FBXW2: variants seen among roughly 807,000 people sequenced by gnomAD.
The protein encoded by FBXW2 is F-box/WD repeat-containing protein 2.
FBXW2 carries 12 observed loss-of-function variants against 46.0 expected under a neutral mutation model. The observed-to-expected ratio is 0.26, with a 90% CI of 0.17 to 0.42. The LOEUF is 0.42. FBXW2 is among the 10% of genes least tolerant of loss of function. The pLI, the probability that FBXW2 is intolerant of heterozygous loss-of-function variation, is 1.00. For synonymous variants in FBXW2, 203 were observed against 209.6 expected, an observed-to-expected ratio of 0.97 and a Z score of 0.27; for missense variants, 360 against 537.0, an observed-to-expected ratio of 0.67 and a Z score of 3.26.
At chr9:120,792,384 T>C (rs1421427372) in intron 2 of FBXW2, 2 of 152,378 alleles carry the variant, frequency 1.3e-5, no homozygotes, top group African/African-American at 4.8e-5. Flanking sequence ...TGAAAATGTA[T>C]ACACACCTAT....
At chr9:120,788,394 GTA>G in intron 2 of FBXW2, 116 bp from the exon 3 acceptor site, 1 of 892,836 alleles carries the variant, frequency 1.1e-6, no homozygotes, top group Non-Finnish European at 1.7e-6. Context: ...AACTTTATGC[GTA>G]GTTACATTAC....
chr9:120,772,885 T>G (rs771459692), intron 5 of FBXW2, 45 bp from the exon 6 acceptor site: 2 of 1,263,270 alleles, frequency 1.6e-6, no homozygotes, highest in South Asian at 2.5e-5. Context: ...TTAATGCTGC[T>G]CCTATAATGA....
At chr9:120,781,085 A>G (rs1330643861) in intron 3 of FBXW2, among the ~76,000 whole-genome samples, 1 of 152,180 alleles carries the variant, frequency 6.6e-6, no homozygotes, top group East Asian at 1.9e-4. Context: ...CTAAGGATGA[A>G]TAAGTTAGCC....
rs1264606191 is a variant in FBXW2 at position 120,757,692 on chromosome 9, G to A, written c.*6867C>T. On this transcript the variant is annotated 3_prime_UTR_variant, in exon 8 of 8. Coordinates refer to ENST00000608872, the MANE Select transcript of FBXW2 (RefSeq NM_012164.4). ...GAGCTCTGGGTAATTTTCTCCATAA[G>A]TTTTTATTACTGTTAGATTATCTTT... is the stretch of plus-strand genomic sequence containing the variant. The A allele has an allele frequency of 2.0e-5, 3 of 152,180 alleles. No individual in the cohort carries two copies. Among genetic ancestry groups the A allele is most frequent in the African/African-American group, 7.2e-5 (3 of 41,452 alleles). 9.4% of individuals were successfully genotyped at this position (152,180 alleles called of 1,614,324 possible). A position where few individuals can be genotyped will look rare whatever the true frequency, so the allele number is the denominator to read the frequency against.
At chr9:120,769,368 A>G (rs953197958) in intron 7 of FBXW2, among the ~76,000 whole-genome samples, 1 of 152,218 alleles carries the variant, frequency 6.6e-6, no homozygotes, top group African/African-American at 2.4e-5. Flanking sequence ...ACAATCTTAC[A>G]GGTTTATTAT....
In FBXW2 at chr9:120,758,941, T is replaced by A. The variant is rs529336360; in HGVS notation, c.*5618A>T. 4 of 152,218 alleles carry A rather than the reference T, an allele frequency of 2.6e-5. No individual in the cohort carries two copies. The highest frequency in any genetic ancestry group is 4.4e-5 in the Non-Finnish European group (3 of 68,044). The allele number at this position is 152,218 out of a possible 1,614,324, so 9.4% of individuals were successfully genotyped here. A position where few individuals can be genotyped will look rare whatever the true frequency, so the allele number is the denominator to read the frequency against. On this transcript the variant is annotated 3_prime_UTR_variant, in exon 8 of 8. Coordinates refer to ENST00000608872, the MANE Select transcript of FBXW2 (RefSeq NM_012164.4). Reference sequence around the variant, plus strand: ...CCATCCCTTCATTTGCAACTATTCATGAAATTCACCAAAATTATTTCCTTG... The same window carrying A: ...CCATCCCTTCATTTGCAACTATTCAAGAAATTCACCAAAATTATTTCCTTG...
chr9:120,775,958 G>T, intron 5 of FBXW2, 135 bp downstream of exon 5: 3 of 1,015,012 alleles, frequency 3.0e-6, no homozygotes, highest in Non-Finnish European at 4.3e-6. Context: ...GGTCACTGTT[G>T]TGTACCATTA....
At chr9:120,781,675 C>CACAT (rs761941263) in intron 3 of FBXW2, among the ~76,000 whole-genome samples, 38,904 of 146,034 alleles carry the variant, frequency 0.27, 6,044 homozygotes, top group Admixed American at 0.38. Flanking sequence ...CACACACACA[C>CACAT]ATACACACAC....
chr9:120,787,318 T>C (rs898873300), intron 3 of FBXW2, among the ~76,000 whole-genome samples: 3 of 152,200 alleles, frequency 2.0e-5, no homozygotes, highest in Non-Finnish European at 4.4e-5. Flanking sequence ...CATGAGCCAC[T>C]GCGCCCGACC....
At chr9:120,776,466 A>G in intron 4 of FBXW2, 1 of 449,810 alleles carries the variant, frequency 2.2e-6, no homozygotes, top group South Asian at 2.8e-5. Flanking sequence ...TGTGGTAGCT[A>G]CAGTGAGAGG....
intron 7 of FBXW2, among the ~76,000 whole-genome samples, chr9:120,770,674 A>T (rs1217131185): frequency 1.3e-5 from 2 of 152,202 alleles, no homozygotes; most frequent in African/African-American, 4.8e-5. Flanking sequence ...CTTATACTAA[A>T]TCACACAGCC....
Position 120,764,134 on chromosome 9 carries a change from C to T in FBXW2, c.*425G>A. 1 of 350,716 alleles carries T rather than the reference C, an allele frequency of 2.9e-6. No individual in the cohort carries two copies. Among genetic ancestry groups the T allele is most frequent in the Non-Finnish European group, 5.1e-6 (1 of 196,618 alleles). The allele number at this position is 350,716 out of a possible 1,614,324, so 21.7% of individuals were successfully genotyped here. A position where few individuals can be genotyped will look rare whatever the true frequency, so the allele number is the denominator to read the frequency against. On this transcript the variant is annotated 3_prime_UTR_variant, in exon 8 of 8. Coordinates refer to ENST00000608872, the MANE Select transcript of FBXW2 (RefSeq NM_012164.4). ...GTGAGGAAAGTTGCTGTAACAACAT[C>T]ATAGCACCTTTGCTTCAACTTCAAA...
intron 2 of FBXW2, among the ~76,000 whole-genome samples, chr9:120,792,102 T>C (rs763369333): frequency 1.3e-5 from 2 of 152,172 alleles, no homozygotes; most frequent in Non-Finnish European, 2.9e-5. Context: ...CTAACATTAA[T>C]GAGGAAATTT....
At chr9:120,782,795 T>C (rs2044643977) in intron 3 of FBXW2, among the ~76,000 whole-genome samples, 1 of 152,018 alleles carries the variant, frequency 6.6e-6, no homozygotes, top group African/African-American at 2.4e-5. Flanking sequence ...TGAGCCAAGA[T>C]CATGTCACTG....
In FBXW2 at chr9:120,760,905, T is replaced by G. The variant is rs2044187738; in HGVS notation, c.*3654A>C. The G allele has an allele frequency of 6.6e-6, 1 of 152,254 alleles. No homozygotes were observed. Among genetic ancestry groups the G allele is most frequent in the African/African-American group, 2.4e-5 (1 of 41,472 alleles). The allele number at this position is 152,254 out of a possible 1,614,324, so 9.4% of individuals were successfully genotyped here. ...AATCATTTTCCTATGAATACTAGAA[T>G]GATTATATAATCCTCATTCAAACCT... is the stretch of plus-strand genomic sequence containing the variant. On this transcript the variant is annotated 3_prime_UTR_variant, in exon 8 of 8. Transcript: ENST00000608872.
In FBXW2 at chr9:120,762,420, A is replaced by T. The variant is rs912865242; in HGVS notation, c.*2139T>A. 8 of 152,226 alleles carry T rather than the reference A, an allele frequency of 5.3e-5. No individual in the cohort carries two copies. The highest frequency in any genetic ancestry group is 1.9e-4 in the African/African-American group (8 of 41,466). 9.4% of individuals were successfully genotyped at this position (152,226 alleles called of 1,614,324 possible). On this transcript the variant is annotated 3_prime_UTR_variant, in exon 8 of 8. Transcript: ENST00000608872. The stretch of plus-strand genomic sequence containing the variant: ...AAGTCTCCTGGGGCTTCTGCAAAAT[A>T]GATTCAGTTGTGATTCCGGTTCTAT...
At chr9:120,780,548 G>A (rs2044589093) in intron 3 of FBXW2, among the ~76,000 whole-genome samples, 1 of 152,090 alleles carries the variant, frequency 6.6e-6, no homozygotes, top group Admixed American at 6.6e-5. Flanking sequence ...AAAACCACAT[G>A]GCGCTAGTGG....
chr9:120,772,258 G>C (rs758320509), intron 6 of FBXW2, among the ~76,000 whole-genome samples: 7 of 151,718 alleles, frequency 4.6e-5, no homozygotes, highest in Non-Finnish European at 1.0e-4. Context: ...ATTTTGGGAG[G>C]TCAAGGCAGG....
At chr9:120,769,104 G>C (rs985550921) in intron 7 of FBXW2, among the ~76,000 whole-genome samples, 1 of 152,200 alleles carries the variant, frequency 6.6e-6, no homozygotes, top group Non-Finnish European at 1.5e-5. Flanking sequence ...AACCTTACAT[G>C]CTGTAGAGAT....
Sources: allele counts gnomAD v4.1 joint callset (sites outside exome capture counted in the v4.1 genomes callset), GRCh38; gene constraint gnomAD v4.1.1; transcripts MANE v1.5; gene names NCBI Gene and HGNC (gene_info 2026-07-23, HGNC 2026-07-21).